Variants in ACOT7 observed in about 807,000 individuals in gnomAD.
ACOT7 encodes cytosolic acyl coenzyme A thioester hydrolase.
A neutral mutation model predicts 40.2 loss-of-function variants in ACOT7; 12 were observed. The ratio of observed to expected loss-of-function variants is 0.30; its 90% confidence interval spans 0.19 to 0.48. The LOEUF is 0.48. Ranked by LOEUF, ACOT7 falls within the 20% of genes least tolerant of loss-of-function variation. ACOT7 has a pLI of 0.99. For synonymous variants in ACOT7, 228 were observed against 219.5 expected (o/e 1.04, Z -0.34); for missense variants, 395 against 530.8 (o/e 0.74, Z 2.51).
At chr1:6,374,615 G>A (rs1157985229) in intron 1 of ACOT7, among the ~76,000 whole-genome samples, 1 of 152,184 alleles carries the variant, frequency 6.6e-6, no homozygotes, top group African/African-American at 2.4e-5. Context: ...TGGCCAAGGA[G>A]GTGAGGTCTG....
At chr1:6,367,995 C>A (rs1350682529) in intron 1 of ACOT7, among the ~76,000 whole-genome samples, 1 of 152,308 alleles carries the variant, frequency 6.6e-6, no homozygotes, top group African/African-American at 2.4e-5. Flanking sequence ...GCTGGTCATC[C>A]TGTCATCTTT....
chr1:6,350,748 G>A (rs567254593), intron 1 of ACOT7, among the ~76,000 whole-genome samples: 1 of 152,336 alleles, frequency 6.6e-6, no homozygotes, highest in Admixed American at 6.5e-5. Flanking sequence ...GCTGGACAGT[G>A]TGGGGGCCCC....
In ACOT7 at chr1:6,382,790, G is replaced by A. The variant is rs749010565; in HGVS notation, c.143+10467C>T. Among the ~76,000 whole-genome samples, 9 of 151,634 alleles carry A rather than the reference G, an allele frequency of 5.9e-5. 1 individual carries two copies. The highest frequency in any genetic ancestry group is 1.0e-4 in the Non-Finnish European group (7 of 67,874). ...CACCACATGCGCCCCAGAAGACAGA[G>A]TAACACCCTGTCTCAATTTAAAAAA... On this transcript the variant is annotated intron_variant, in intron 1 of 8. Coordinates refer to ENST00000361521, the MANE Select transcript of ACOT7 (RefSeq NM_007274.4).
chr1:6,383,349 G>A lies in ACOT7; in HGVS notation c.143+9908C>T, dbSNP rs538408016. On this transcript the variant is annotated intron_variant, in intron 1 of 8. Coordinates refer to ENST00000361521, the MANE Select transcript of ACOT7 (RefSeq NM_007274.4). ...ACTACAGGCGCCCACCATGACGCCT[G>A]GCTAATTTTTTGTATTTTTAGTAGA... is the stretch of plus-strand genomic sequence containing the variant. Among the ~76,000 whole-genome samples, 15 of 150,318 alleles carry A rather than the reference G, an allele frequency of 1.0e-4. 1 individual carries two copies. In the East Asian group the frequency reaches 2.2e-3, roughly 22 times the overall value.
At chr1:6,317,144 G>A (rs559055473) in intron 6 of ACOT7, among the ~76,000 whole-genome samples, 117 of 152,270 alleles carry the variant, frequency 7.7e-4, no homozygotes, top group African/African-American at 2.7e-3. Flanking sequence ...AGTACACCAA[G>A]AACAGCTGCA....
In ACOT7 at chr1:6,306,779, G is replaced by A. The variant is rs1640168671; in HGVS notation, c.712+11713C>T. ...TGCCCCAACACTGAGGGTCTGGTGTGTTGTGTCCCACGTAGCAGTGGGGGC... is the reference window on the plus strand; with the variant it reads ...TGCCCCAACACTGAGGGTCTGGTGTATTGTGTCCCACGTAGCAGTGGGGGC... On this transcript the variant is annotated intron_variant, in intron 6 of 8. Coordinates refer to ENST00000361521, the MANE Select transcript of ACOT7 (RefSeq NM_007274.4). This position sits in a 1 kb window ranked among gnomAD's most constrained non-coding sequence, Gnocchi z 4.3. 3.1e-5 allele frequency: 40 copies of A among 1,287,142 alleles called. No homozygotes were observed. The South Asian group carries it at 4.7e-4, about 15-fold the overall frequency. The allele number at this position is 1,287,142 out of a possible 1,614,324, so 79.7% of individuals were successfully genotyped here.
intron 1 of ACOT7, among the ~76,000 whole-genome samples, chr1:6,372,021 G>T (rs1642142049): frequency 6.6e-6 from 1 of 151,700 alleles, no homozygotes; most frequent in Non-Finnish European, 1.5e-5. Context: ...CTCCACCCTG[G>T]GCGACAGAGC....
In ACOT7 at chr1:6,282,733, T is replaced by C. The variant is rs567685949; in HGVS notation, c.830-1447A>G. The stretch of plus-strand genomic sequence containing the variant: ...TCAACTTCATACTTACAGGGAGCAC[T>C]TCGTGCCAGTGCTGGGAGAGGAGGA... On this transcript the variant is annotated intron_variant, in intron 7 of 8. Transcript: ENST00000361521. The surrounding 1 kb of genome is among the most constrained non-coding windows in gnomAD (Gnocchi z 4.5). 14 of 1,304,116 alleles carry C rather than the reference T, an allele frequency of 1.1e-5. No individual in the cohort carries two copies. Among genetic ancestry groups the C allele is most frequent in the Non-Finnish European group, 1.4e-5 (14 of 988,938 alleles). 80.8% of individuals were successfully genotyped at this position (1,304,116 alleles called of 1,614,324 possible). A position where few individuals can be genotyped will look rare whatever the true frequency, so the allele number is the denominator to read the frequency against.
intron 1 of ACOT7, 114 bp from the exon 2 acceptor site, chr1:6,349,980 G>A (rs1184392995): frequency 9.7e-7 from 1 of 1,029,570 alleles, no homozygotes; most frequent in African/African-American, 1.6e-5. Flanking sequence ...CCGGAGGAAA[G>A]AGAACCTTCC....
At chr1:6,367,447 G>C (rs912924172) in intron 1 of ACOT7, among the ~76,000 whole-genome samples, 2 of 152,170 alleles carry the variant, frequency 1.3e-5, no homozygotes, top group African/African-American at 4.8e-5. Flanking sequence ...GCCTGCCAAG[G>C]ACAAGCCTGG....
chr1:6,300,449 C>T (rs1639934598), intron 6 of ACOT7, among the ~76,000 whole-genome samples: 2 of 152,174 alleles, frequency 1.3e-5, no homozygotes, highest in Admixed American at 6.5e-5. Flanking sequence ...CCATGACTCA[C>T]AGCTGGCCCC....
intron 3 of ACOT7, among the ~76,000 whole-genome samples, chr1:6,338,000 C>CAAA (rs769360339): frequency 5.9e-4 from 42 of 71,740 alleles, no homozygotes; most frequent in Middle Eastern, 6.3e-3. Context: ...GACACCATCT[C>CAAA]AAAAAAAAAA....
intron 1 of ACOT7, among the ~76,000 whole-genome samples, chr1:6,361,813 A>C (rs954832679): frequency 1.3e-5 from 2 of 152,074 alleles, no homozygotes; most frequent in African/African-American, 4.8e-5. Context: ...AAAATAAATA[A>C]ATAAATAAAC....
intron 4 of ACOT7, among the ~76,000 whole-genome samples, chr1:6,329,592 G>A (rs1640899755): frequency 6.6e-6 from 1 of 151,918 alleles, no homozygotes; most frequent in African/African-American, 2.4e-5. Flanking sequence ...ATGGGGCCCA[G>A]TCCTGGACAC....
At chr1:6,265,415 G>T (rs939276581) in intron 8 of ACOT7, among the ~76,000 whole-genome samples, 2 of 152,198 alleles carry the variant, frequency 1.3e-5, no homozygotes, top group Non-Finnish European at 2.9e-5. Context: ...GGCCTGCTTT[G>T]TTGGGAGGGA....
rs141205596 is a variant in ACOT7 at position 6,297,414 on chromosome 1, T to C, written c.713-2434A>G. On this transcript the variant is annotated intron_variant, in intron 6 of 8. Transcript: ENST00000361521. ...TCCATCCCACAAGCGAAAACCAGACTTGTACAGTCACGTTTAGGGTGGGAA... is the reference window on the plus strand; with the variant it reads ...TCCATCCCACAAGCGAAAACCAGACCTGTACAGTCACGTTTAGGGTGGGAA... 5.3e-3 allele frequency among the ~76,000 whole-genome samples: 803 copies of C among 152,290 alleles called. 9 individuals are homozygous for C. Among genetic ancestry groups the C allele is most frequent in the African/African-American group, 0.018 (759 of 41,554 alleles).
At chr1:6,297,550 C>T (rs746642129) in intron 6 of ACOT7, among the ~76,000 whole-genome samples, 2 of 152,238 alleles carry the variant, frequency 1.3e-5, no homozygotes, top group Non-Finnish European at 2.9e-5. Flanking sequence ...CTAGCGCCCC[C>T]CATGGGGACC....
rs945095114 is a variant in ACOT7 at position 6,382,580 on chromosome 1, C to T, written c.143+10677G>A. ...TAATCCCAGCACTTTAGGAGGCAGA[C>T]GGAGATGGGCAGATCCCTTGAGCTC... On this transcript the variant is annotated intron_variant, in intron 1 of 8. Transcript: ENST00000361521. Among the ~76,000 whole-genome samples, 6 of 151,888 alleles carry T rather than the reference C, an allele frequency of 4.0e-5. No homozygotes were observed. The East Asian group carries it at 5.8e-4, about 15-fold the overall frequency.
chr1:6,326,427 G>C (rs1399552952), intron 5 of ACOT7, among the ~76,000 whole-genome samples: 1 of 152,172 alleles, frequency 6.6e-6, no homozygotes, highest in African/African-American at 2.4e-5. Flanking sequence ...TTTTGTTAAA[G>C]CCAGAGCACC....
Sources: gnomAD v4.1 joint callset for allele counts (sites outside exome capture counted in the v4.1 genomes callset) on GRCh38, gnomAD v4.1.1 for gene constraint, Gnocchi (gnomAD v3.1) non-coding constraint, MANE v1.5 for transcripts, NCBI Gene and HGNC (gene_info 2026-07-23, HGNC 2026-07-21) for gene names.